ZP4: variants seen among roughly 807,000 people sequenced by gnomAD.
The protein encoded by ZP4 is zona pellucida sperm-binding protein 4.
A neutral mutation model predicts 62.3 loss-of-function variants in ZP4; 62 were observed. The ratio of observed to expected loss-of-function variants is 0.99; its 90% CI spans 0.81 to 1.23. ZP4 has a LOEUF of 1.23. ZP4 is among the 50% of genes most tolerant of loss of function. The pLI is 0.00. For synonymous variants in ZP4, 289 were observed against 247.3 expected, an observed-to-expected ratio of 1.17 and a Z score of -1.58; for missense variants, 774 against 656.0, an observed-to-expected ratio of 1.18 and a Z score of -1.97.
rs762750310 is a variant in ZP4, at chr1:237,886,808, C to A, written c.802G>T (p.Gly268Trp). The A allele has an allele frequency of 6.2e-7, 1 of 1,614,102 alleles. No homozygotes were observed. ...ELVATRDVKN[G>W]SRGSVTRDSI... ...TCACGAGTGACAGAGCCACGGCTCC[C>A]ATTTTTCACATCCCTAGTTGCCACC... Residue 268 changes from glycine to tryptophan, a missense_variant, in exon 6 of 12, where the codon GGG (glycine) becomes TGG (tryptophan). Physicochemically the swap from Gly to Trp is radical, Grantham distance 184. Transcript: ENST00000366570.
chr1:237,886,065 C>T, intron 6 of ZP4, among the ~76,000 whole-genome samples, 179 bp from the exon 7 acceptor site: 1 of 152,112 alleles, frequency 6.6e-6, no homozygotes, highest in East Asian at 1.9e-4. Flanking sequence ...CAAGTAGGAC[C>T]AATGTTTGAG....
rs1412070710 is a variant in ZP4 at position 237,883,703 on chromosome 1, G to A, written c.1391-857C>T. 3.8e-3 allele frequency among the ~76,000 whole-genome samples: 128 copies of A among 33,702 alleles called. 36 individuals carry two copies. The highest frequency in any genetic ancestry group is 0.029 in the African/African-American group (126 of 4,326). The allele number at this position is 33,702 out of a possible 152,430, so 22.1% of individuals were successfully genotyped here. A position where few individuals can be genotyped will look rare whatever the true frequency, so the allele number is the denominator to read the frequency against. On this transcript the variant is annotated intron_variant, in intron 10 of 11. Coordinates refer to ENST00000366570, the MANE Select transcript of ZP4 (RefSeq NM_021186.5). ...GGAGGGCGGGGGAGGGCGGGGGAGG[G>A]CGGGGGAGGGCGGGGGAGGGCGGGG...
At chr1:237,884,715 G>GA (rs1380739189) in intron 10 of ZP4, 54 bp downstream of exon 10, 6 of 1,530,798 alleles carry the variant, frequency 3.9e-6, no homozygotes, top group Admixed American at 3.5e-5. Flanking sequence ...GGAAAGGTTA[G>GA]ACATGGGACT....
chr1:237,882,541 C>T lies in ZP4; in HGVS notation c.1504G>A (p.Val502Ile). Residue 502 changes from valine to isoleucine, a missense_variant, in exon 12 of 12, where the codon GTA becomes ATA. Transcript: ENST00000366570. The part of the protein sequence containing the change: ...KDPPEKLRVP[V>I]DSKVLWVAGL... ...GCCACCCACAGAACTTTCGAGTCTA[C>T]AGGAACACCTGGAGGATGGATGGAA... is the stretch of plus-strand genomic sequence containing the variant. The T allele has an allele frequency of 6.2e-7, 1 of 1,600,458 alleles. No individual in the cohort carries two copies.
Position 237,882,657 on chromosome 1 carries a change from T to C in ZP4, c.1495+85A>G. 5 of 1,575,154 alleles carry C rather than the reference T, an allele frequency of 3.2e-6. No homozygotes were observed. In the East Asian group the frequency reaches 1.1e-4, roughly 35 times the overall value. On this transcript the variant is annotated intron_variant, in intron 11 of 11. Transcript: ENST00000366570. Reference sequence around the variant, plus strand: ...TATAGGAAGGTCAATTTCTTTTGACTAGAACAAGAGGGATAGAAAGGAGGA... The same window carrying C: ...TATAGGAAGGTCAATTTCTTTTGACCAGAACAAGAGGGATAGAAAGGAGGA...
chr1:237,889,051 G>T (rs1241449186), intron 3 of ZP4, among the ~76,000 whole-genome samples: 1 of 152,162 alleles, frequency 6.6e-6, no homozygotes, highest in Non-Finnish European at 1.5e-5. Flanking sequence ...AAGTTGAGTA[G>T]GCATCATACT....
At chr1:237,883,266 C>A (rs540172195) in intron 10 of ZP4, among the ~76,000 whole-genome samples, 2 of 152,082 alleles carry the variant, frequency 1.3e-5, no homozygotes, top group East Asian at 3.9e-4. Context: ...TACAGTTTTA[C>A]GTTTTCTGTA....
chr1:237,884,644 A>G, intron 10 of ZP4, 125 bp downstream of exon 10: 1 of 812,730 alleles, frequency 1.2e-6, no homozygotes, highest in Non-Finnish European at 2.0e-6. Context: ...ATGGCACCGC[A>G]AGTACTTAGA....
In ZP4 at chr1:237,890,190, G is replaced by A. The variant is rs376369549; in HGVS notation, c.176-14C>T. The A allele has an allele frequency of 1.8e-4, 298 of 1,613,568 alleles. No homozygotes were observed. In the African/African-American group the frequency reaches 3.6e-3, roughly 19 times the overall value. ...GCCCTTGGTTGTCTGGAGGGGTGGG[G>A]AAGAGGTGAGAAAACACAGCGGTCA... On this transcript the variant is annotated splice_polypyrimidine_tract_variant and intron_variant, in intron 1 of 11. Coordinates refer to ENST00000366570, the MANE Select transcript of ZP4 (RefSeq NM_021186.5).
chr1:237,887,823 G>A (rs1230984909), intron 4 of ZP4, among the ~76,000 whole-genome samples: 1 of 152,136 alleles, frequency 6.6e-6, no homozygotes, highest in Non-Finnish European at 1.5e-5. Flanking sequence ...GTTAAGAGGG[G>A]GATAGTAGTT....
chr1:237,887,216 T>C (rs564269946), intron 5 of ZP4, among the ~76,000 whole-genome samples, 158 bp downstream of exon 5: 83 of 152,180 alleles, frequency 5.5e-4, no homozygotes, highest in African/African-American at 1.8e-3. Flanking sequence ...GATTAACTTT[T>C]TCAGTGATGA....
intron 10 of ZP4, 98 bp from the exon 11 acceptor site, chr1:237,882,944 T>C (rs1193180947): frequency 4.0e-6 from 4 of 999,662 alleles, no homozygotes; most frequent in African/African-American, 3.3e-5. Flanking sequence ...TCTATAAAGC[T>C]TGGTTCTATG....
intron 3 of ZP4, among the ~76,000 whole-genome samples, chr1:237,888,726 A>G (rs1006475588): frequency 3.3e-5 from 5 of 152,238 alleles, no homozygotes; most frequent in Non-Finnish European, 7.3e-5. Context: ...GTGCCCTGCT[A>G]TTAGTTTTTT....
intron 5 of ZP4, 66 bp from the exon 6 acceptor site, chr1:237,886,934 G>A (rs1268709589): frequency 7.1e-7 from 1 of 1,399,912 alleles, no homozygotes; most frequent in East Asian, 2.3e-5. Flanking sequence ...CTTGCATCTG[G>A]TCTAAGCCCT....
chr1:237,884,005 C>CACACACAA (rs1665022176), intron 10 of ZP4, among the ~76,000 whole-genome samples: 35 of 95,820 alleles, frequency 3.7e-4, no homozygotes, highest in African/African-American at 1.1e-3. Context: ...CACACACACA[C>CACACACAA]ACACACACAC....
In ZP4 at chr1:237,890,164, A is replaced by T. The variant is rs1260958748; in HGVS notation, c.188T>A (p.Leu63Gln). The change falls in exon 2 of 12, where the codon CTG (leucine) becomes CAG (glutamine). Residue 63 changes from leucine to glutamine, a missense_variant. Leu to Gln is a moderately radical substitution (Grantham distance 113). Transcript: ENST00000366570. ...GGAGTCATTCTGCAGCTCGTGCAGC[A>T]GCCCTTGGTTGTCTGGAGGGGTGGG... ...PVLIAWDNQGLLHELQNDSDC... is the reference protein window; with the variant it reads ...PVLIAWDNQGQLHELQNDSDC... 1.9e-6 allele frequency: 3 copies of T among 1,614,012 alleles called. No individual in the cohort carries two copies. Among genetic ancestry groups the T allele is most frequent in the Non-Finnish European group, 1.7e-6 (2 of 1,179,998 alleles).
At position 237,885,272 on chromosome 1, in the gene ZP4, C is replaced by G. The variant is rs760338496; in HGVS notation, c.1204G>C (p.Val402Leu). Residue 402 changes from valine (V) to leucine (L), a missense_variant, in exon 9 of 12, where the codon GTC becomes CTC. Val to Leu is a conservative substitution (Grantham distance 32, BLOSUM62 1). Transcript: ENST00000366570. The part of the protein sequence containing the change: ...GDNYQTQLIP[V>L]QKALDLPFPS... ...AATGGAAGATCCAAGGCTTTCTGGACAGGGATCAGCTGGGTCTGATAGTTG... is the reference window on the plus strand; with the variant it reads ...AATGGAAGATCCAAGGCTTTCTGGAGAGGGATCAGCTGGGTCTGATAGTTG... 1 of 1,614,152 alleles carries G rather than the reference C, an allele frequency of 6.2e-7. No individual in the cohort carries two copies. Among genetic ancestry groups the G allele is most frequent in the African/African-American group, 1.3e-5 (1 of 75,024 alleles).
rs768615983 is a variant in ZP4, at chr1:237,882,444, C to A, written c.1601G>T (p.Cys534Phe). ...GTTTTATTGACACATTTGGTCTGGG[C>A]AACTCTTCTGTTTCTTGACAGCCAA... Reference protein sequence around the residue: ...SYLAVKKQKSCPDQMCQ With the variant: ...SYLAVKKQKSFPDQMCQ Residue 534 changes from cysteine to phenylalanine, a missense_variant, in exon 12 of 12, where the codon TGC (cysteine) becomes TTC (phenylalanine). Cys to Phe is a radical substitution (Grantham distance 205). Coordinates refer to ENST00000366570, the MANE Select transcript of ZP4 (RefSeq NM_021186.5). 6 of 1,610,888 alleles carry A rather than the reference C, an allele frequency of 3.7e-6. No individual in the cohort carries two copies. The highest frequency in any genetic ancestry group is 1.3e-5 in the African/African-American group (1 of 74,590).
chr1:237,890,197 T>A (rs1236800079), intron 1 of ZP4, 21 bp from the exon 2 acceptor site: 1 of 1,613,302 alleles, frequency 6.2e-7, no homozygotes, highest in Non-Finnish European at 8.5e-7. Context: ...GGGGAAGAGG[T>A]GAGAAAACAC....
Sources: gnomAD v4.1 joint callset for allele counts (sites outside exome capture counted in the v4.1 genomes callset) on GRCh38, gnomAD v4.1.1 for gene constraint, MANE v1.5 for transcripts, NCBI Gene and HGNC (gene_info 2026-07-23, HGNC 2026-07-21) for gene names.